The following SUMF1 variants were observed in gnomAD, a reference collection of about 807,000 sequenced individuals.
SUMF1 encodes sulfatase modifying factor 1.
A neutral mutation model predicts 47.6 loss-of-function variants in SUMF1; 48 were observed. The observed-to-expected ratio is 1.01, with a 90% confidence interval of 0.80 to 1.28. The LOEUF (loss-of-function observed/expected upper bound fraction) is 1.28. Ranked by LOEUF, SUMF1 falls within the 50% of genes most tolerant of loss-of-function variation. The probability of loss-of-function intolerance (pLI) is 0.00; values close to 1 mark genes in which losing one functional copy is unlikely to be tolerated. For synonymous variants in SUMF1, 230 were observed against 192.1 expected (o/e 1.20, Z -1.63); for missense variants, 571 against 485.4 (o/e 1.18, Z -1.66).
chr3:4,292,204 T>G (rs1274696580), intron 8 of SUMF1, among the ~76,000 whole-genome samples: 1 of 152,252 alleles, frequency 6.6e-6, no homozygotes, highest in Non-Finnish European at 1.5e-5. Context: ...TTGGCTTTTC[T>G]CTAAGATGAA....
chr3:4,125,531 T>C (rs1055836792), intron 8 of SUMF1, among the ~76,000 whole-genome samples: 1 of 152,168 alleles, frequency 6.6e-6, no homozygotes, highest in African/African-American at 2.4e-5. Flanking sequence ...CTCACAAACT[T>C]TCTCCTTCTT....
intron 8 of SUMF1, among the ~76,000 whole-genome samples, chr3:4,306,117 C>G (rs943219770): frequency 6.6e-5 from 10 of 152,140 alleles, no homozygotes; most frequent in Non-Finnish European, 1.3e-4. Flanking sequence ...ACAACTGTCA[C>G]GATTAGCTTC....
At chr3:4,074,210 G>C (rs1692358593) in intron 8 of SUMF1, among the ~76,000 whole-genome samples, 1 of 152,100 alleles carries the variant, frequency 6.6e-6, no homozygotes, top group Non-Finnish European at 1.5e-5. Context: ...TGACTACATG[G>C]AAACTGATCA....
intron 8 of SUMF1, among the ~76,000 whole-genome samples, chr3:4,329,016 C>T (rs1368792446): frequency 1.3e-5 from 2 of 152,232 alleles, no homozygotes; most frequent in Non-Finnish European, 2.9e-5. Flanking sequence ...AAAATGATCT[C>T]ATTTGACTTC....
At chr3:4,124,848 G>A (rs1000334417) in intron 8 of SUMF1, among the ~76,000 whole-genome samples, 1 of 150,800 alleles carries the variant, frequency 6.6e-6, no homozygotes, top group East Asian at 1.9e-4. Flanking sequence ...CTTGACCACT[G>A]AAAGTCAATA....
At chr3:4,406,421 G>A (rs758657944) in intron 7 of SUMF1, among the ~76,000 whole-genome samples, 23 of 151,934 alleles carry the variant, frequency 1.5e-4, no homozygotes, top group Admixed American at 7.9e-4. Context: ...TTCGGGAGGC[G>A]GAGGCAGGTG....
intron 8 of SUMF1, among the ~76,000 whole-genome samples, chr3:4,073,942 T>C (rs953778483): frequency 6.6e-6 from 1 of 151,996 alleles, no homozygotes; most frequent in Non-Finnish European, 1.5e-5. Context: ...AGACAGAAAA[T>C]TAACAAGGAT....
At chr3:4,105,571 T>C (rs2322520) in intron 8 of SUMF1, among the ~76,000 whole-genome samples, 17,932 of 152,066 alleles carry the variant, frequency 0.12, 2,143 homozygotes, top group African/African-American at 0.29. Flanking sequence ...CAAAGATTTT[T>C]GGGTCCAGGT....
At chr3:4,325,892 G>A (rs1478144081) in intron 8 of SUMF1, among the ~76,000 whole-genome samples, 1 of 152,168 alleles carries the variant, frequency 6.6e-6, no homozygotes, top group Non-Finnish European at 1.5e-5. Flanking sequence ...AGTGAACTCA[G>A]CTCACTACAA....
At chr3:4,330,081 C>A (rs1300884981) in intron 8 of SUMF1, among the ~76,000 whole-genome samples, 1 of 152,226 alleles carries the variant, frequency 6.6e-6, no homozygotes, top group Non-Finnish European at 1.5e-5. Context: ...TCATCTCCAT[C>A]TGAGACCACC....
intron 8 of SUMF1, among the ~76,000 whole-genome samples, chr3:4,254,588 A>C (rs1352754572): frequency 2.2e-4 from 32 of 147,298 alleles, no homozygotes; most frequent in African/African-American, 7.3e-4. Flanking sequence ...GAAATGAGCA[A>C]AGCCTCCAAG....
chr3:4,108,427 T>G (rs1406399193), intron 8 of SUMF1, among the ~76,000 whole-genome samples: 5 of 152,246 alleles, frequency 3.3e-5, no homozygotes, highest in East Asian at 1.9e-4. Flanking sequence ...GTTCTGTATA[T>G]GTCTATTAGG....
At chr3:4,130,479 A>G (rs1393544366) in intron 8 of SUMF1, among the ~76,000 whole-genome samples, 1 of 152,180 alleles carries the variant, frequency 6.6e-6, no homozygotes, top group Non-Finnish European at 1.5e-5. Flanking sequence ...GCAAGATATC[A>G]CAGTGGACCA....
chr3:4,248,252 G>C (rs576297650), intron 8 of SUMF1, among the ~76,000 whole-genome samples: 4 of 152,118 alleles, frequency 2.6e-5, no homozygotes, highest in Non-Finnish European at 5.9e-5. Context: ...ATTCAGAATA[G>C]ACTGTTTTAA....
chr3:4,369,252 T>C lies in SUMF1; in HGVS notation c.1015-6998A>G, dbSNP rs146160629. 3.3e-3 allele frequency among the ~76,000 whole-genome samples: 501 copies of C among 152,244 alleles called. 5 individuals are homozygous for C. Among genetic ancestry groups the C allele is most frequent in the African/African-American group, 0.011 (477 of 41,542 alleles). On this transcript the variant is annotated intron_variant, in intron 8 of 8. Coordinates refer to ENST00000272902, the MANE Select transcript of SUMF1 (RefSeq NM_182760.4). ...TTGTGGTCAGTGAATAATATAACAT[T>C]AGCAATTCTCAGGTAGACAAAAGGA... is the stretch of plus-strand genomic sequence containing the variant.
intron 8 of SUMF1, chr3:4,313,907 T>C: frequency 7.2e-7 from 1 of 1,384,536 alleles, no homozygotes; most frequent in Non-Finnish European, 9.6e-7. Context: ...TTCCCCTTTC[T>C]GTAATAGAAT....
At chr3:4,206,085 T>TCA (rs1695647096) in intron 8 of SUMF1, among the ~76,000 whole-genome samples, 1 of 151,848 alleles carries the variant, frequency 6.6e-6, no homozygotes, top group South Asian at 2.1e-4. Flanking sequence ...AATGAGGGCT[T>TCA]CAGGACTCTG....
At chr3:4,341,602 A>T (rs976426511) in intron 8 of SUMF1, among the ~76,000 whole-genome samples, 1 of 152,218 alleles carries the variant, frequency 6.6e-6, no homozygotes, top group African/African-American at 2.4e-5. Context: ...CATGCAAGAG[A>T]GATTTTTTGA....
intron 8 of SUMF1, among the ~76,000 whole-genome samples, chr3:4,120,583 A>T (rs1444824983): frequency 6.6e-6 from 1 of 152,090 alleles, no homozygotes; most frequent in African/African-American, 2.4e-5. Context: ...CCTATGGGAA[A>T]TTCAAGGCCA....
Sources: allele counts gnomAD v4.1 joint callset (sites outside exome capture counted in the v4.1 genomes callset), GRCh38; gene constraint gnomAD v4.1.1; transcripts MANE v1.5; gene names NCBI Gene and HGNC (gene_info 2026-07-23, HGNC 2026-07-21).